Variants in UBE3A observed in about 807,000 individuals in gnomAD.
The protein encoded by UBE3A is ubiquitin-protein ligase E3A.
A neutral mutation model predicts 83.4 loss-of-function variants in UBE3A; 6 were observed. That is an observed-to-expected ratio of 0.07 (90% confidence interval 0.04 to 0.14). The LOEUF (loss-of-function observed/expected upper bound fraction) is 0.14. UBE3A is among the 10% of genes least tolerant of loss of function. The pLI, the probability that UBE3A is intolerant of heterozygous loss-of-function variation, is 1.00. For synonymous variants in UBE3A, 337 were observed against 355.4 expected, an observed-to-expected ratio of 0.95 and a Z score of 0.58; for missense variants, 456 against 1,036.1, an observed-to-expected ratio of 0.44 and a Z score of 7.69.
rs558876113 is a variant in UBE3A at position 25,362,522 on chromosome 15, C to T, written c.1609-1995G>A. Among the ~76,000 whole-genome samples, 4 of 152,206 alleles carry T rather than the reference C, an allele frequency of 2.6e-5. No individual in the cohort carries two copies. The East Asian group carries it at 7.7e-4, about 29-fold the overall frequency. On this transcript the variant is annotated intron_variant, in intron 6 of 12. Transcript: ENST00000648336. ...AAGAATATATGAGAACGAGTGTTAC[C>T]TTTTAAAATAGTTTTGCTCTCTGAA...
chr15:25,404,716 A>C (rs554739071), intron 4 of UBE3A, among the ~76,000 whole-genome samples: 1 of 152,020 alleles, frequency 6.6e-6, no homozygotes, highest in Non-Finnish European at 1.5e-5. Context: ...TTCTTTGCTG[A>C]CTCCCTAATA....
In UBE3A at chr15:25,356,286, T is replaced by C. The variant is rs555780556; in HGVS notation, c.1960-230A>G. ...AAACCCCATACCACCAATTTAGCAATAGAATTCACACTGTGCTCTATGAGA... is the reference window on the plus strand; with the variant it reads ...AAACCCCATACCACCAATTTAGCAACAGAATTCACACTGTGCTCTATGAGA... On this transcript the variant is annotated intron_variant, in intron 8 of 12. Transcript: ENST00000648336. 9.9e-5 allele frequency among the ~76,000 whole-genome samples: 15 copies of C among 150,944 alleles called. No individual in the cohort carries two copies. In the East Asian group the frequency reaches 2.6e-3, roughly 26 times the overall value.
rs750480224 is a variant in UBE3A, at chr15:25,339,105, CTTTT to C, written c.*28_*31del. ...TAAATTTTTTCTTTTTTTTTCCTTC[CTTTT>C]TTTTGTTTTATTTTGTTTTGTTTTG... On this transcript the variant is annotated 3_prime_UTR_variant, in exon 13 of 13. Coordinates refer to ENST00000648336, the MANE Select transcript of UBE3A (RefSeq NM_130839.5). 9 of 1,440,366 alleles carry C rather than the reference CTTTT, an allele frequency of 6.2e-6. 1 individual carries two copies. Among genetic ancestry groups the C allele is most frequent in the African/African-American group, 1.5e-5 (1 of 68,242 alleles). 89.2% of individuals were successfully genotyped at this position (1,440,366 alleles called of 1,614,324 possible). A position where few individuals can be genotyped will look rare whatever the true frequency, so the allele number is the denominator to read the frequency against.
chr15:25,426,744 G>A (rs1004856905), intron 1 of UBE3A, among the ~76,000 whole-genome samples: 34 of 152,024 alleles, frequency 2.2e-4, no homozygotes, highest in African/African-American at 7.5e-4. Context: ...AAAACCATAC[G>A]TACTTAACAC....
chr15:25,430,027 CTATATATATATATA>C (rs199950859), intron 1 of UBE3A, among the ~76,000 whole-genome samples: 1 of 66,222 alleles, frequency 1.5e-5, no homozygotes, highest in African/African-American at 1.2e-4. Flanking sequence ...AAAAAAAAAC[CTATATATATATATA>C]TATATATATT....
At chr15:25,417,559 C>T (rs977659808) in intron 1 of UBE3A, among the ~76,000 whole-genome samples, 1 of 151,928 alleles carries the variant, frequency 6.6e-6, no homozygotes, top group Non-Finnish European at 1.5e-5. Flanking sequence ...GATTTTCAAA[C>T]AGCTATTACA....
intron 1 of UBE3A, among the ~76,000 whole-genome samples, chr15:25,415,515 TCCTCTATCCATTACTAA>T (rs942856190): frequency 2.0e-5 from 3 of 152,072 alleles, no homozygotes; most frequent in Non-Finnish European, 2.9e-5. Context: ...TCGGAAATGG[TCCTCTATCCATTACTAA>T]CCTCTATCCC....
intron 5 of UBE3A, among the ~76,000 whole-genome samples, chr15:25,372,294 C>T (rs1650743448): frequency 6.6e-6 from 1 of 152,142 alleles, no homozygotes; most frequent in African/African-American, 2.4e-5. Flanking sequence ...CCTTCAGCAT[C>T]TATGTATGTA....
At chr15:25,364,645 G>GT (rs759514427) in intron 6 of UBE3A, among the ~76,000 whole-genome samples, 6,572 of 97,494 alleles carry the variant, frequency 0.067, 237 homozygotes, top group African/African-American at 0.1. Context: ...TTTTTTGTTT[G>GT]TTTTTTTTTT....
In UBE3A at chr15:25,340,236, G is replaced by A; in HGVS notation, c.2355-8C>T. On this transcript the variant is annotated splice_polypyrimidine_tract_variant and splice_region_variant and intron_variant, in intron 11 of 12. Coordinates refer to ENST00000648336, the MANE Select transcript of UBE3A (RefSeq NM_130839.5). ...ACGATTTCCCAGAACTCCCTAATGA[G>A]AAAAAATACAATACTGGTTTCAGTT... The A allele has an allele frequency of 6.2e-7, 1 of 1,611,618 alleles. No individual in the cohort carries two copies. The highest frequency in any genetic ancestry group is 1.1e-5 in the South Asian group (1 of 91,070).
At chr15:25,411,113 G>A (rs573560242) in intron 2 of UBE3A, among the ~76,000 whole-genome samples, 1 of 152,264 alleles carries the variant, frequency 6.6e-6, no homozygotes. Flanking sequence ...AGGCTCCAAG[G>A]CCAGGCTGGA....
intron 6 of UBE3A, among the ~76,000 whole-genome samples, chr15:25,365,591 CA>C (rs1164835789): frequency 6.6e-6 from 1 of 151,078 alleles, no homozygotes; most frequent in Admixed American, 6.6e-5. Context: ...ACTAAAAATA[CA>C]AAAAAATTAG....
chr15:25,375,610 A>C lies in UBE3A; in HGVS notation c.216T>G (p.Leu72=). 6.2e-7 allele frequency: 1 copy of C among 1,614,146 alleles called. No individual in the cohort carries two copies. Residue 72 remains leucine (L), a synonymous_variant, in exon 5 of 13, where the codon CTT becomes CTG. Coordinates refer to ENST00000648336, the MANE Select transcript of UBE3A (RefSeq NM_130839.5). The part of the protein sequence containing the change: ...NNAAAIKALE[L]YKINAKLCDP... ...CACAGAGTTTTGCATTAATCTTATAAAGCTCGAGGGCTTTAATAGCTGCTG... is the reference window on the plus strand; with the variant it reads ...CACAGAGTTTTGCATTAATCTTATACAGCTCGAGGGCTTTAATAGCTGCTG...
chr15:25,341,933 C>T (rs1412576886), intron 11 of UBE3A, among the ~76,000 whole-genome samples: 2 of 151,974 alleles, frequency 1.3e-5, no homozygotes, highest in Non-Finnish European at 2.9e-5. Flanking sequence ...GCTGCAACAC[C>T]ATTTATCTGA....
intron 1 of UBE3A, among the ~76,000 whole-genome samples, chr15:25,426,612 AAATT>A: frequency 6.6e-6 from 1 of 152,338 alleles, no homozygotes; most frequent in South Asian, 2.1e-4. Context: ...GCATAAAACA[AAATT>A]TGATTTAGTG....
rs377110924 is a variant in UBE3A, at chr15:25,339,164, C to T, written c.2592G>A (p.Thr864=). ...ACAGCATGCCAAATCCTTTGGCATA[C>T]GTGATGGCCTTCAACAATCTCTCTT... is the stretch of plus-strand genomic sequence containing the variant. The part of the protein sequence containing the change: ...KLKERLLKAI[T]YAKGFGML The change falls in exon 13 of 13, where the codon ACG becomes ACA. Residue 864 remains threonine, a synonymous_variant. Transcript: ENST00000648336. The T allele has an allele frequency of 2.3e-5, 37 of 1,607,026 alleles. No homozygotes were observed. The highest frequency in any genetic ancestry group is 3.5e-4 in the Middle Eastern group (2 of 5,774).
At chr15:25,395,971 G>A (rs11161174) in intron 4 of UBE3A, among the ~76,000 whole-genome samples, 18,193 of 152,142 alleles carry the variant, frequency 0.12, 1,429 homozygotes, top group East Asian at 0.43. Flanking sequence ...CTGGAAGGCC[G>A]AGGCAGGCAG....
At chr15:25,424,387 A>T (rs1890712113) in intron 1 of UBE3A, among the ~76,000 whole-genome samples, 1 of 152,092 alleles carries the variant, frequency 6.6e-6, no homozygotes, top group Non-Finnish European at 1.5e-5. Flanking sequence ...TACCTACCCT[A>T]TCTAAAATTT....
chr15:25,438,083 G>C (rs946004186), intron 1 of UBE3A: 4 of 152,250 alleles, frequency 2.6e-5, no homozygotes, highest in African/African-American at 9.7e-5. Flanking sequence ...TCTTCCCCAA[G>C]AGAGCCAAAA....
Sources: allele counts gnomAD v4.1 joint callset (sites outside exome capture counted in the v4.1 genomes callset), GRCh38; gene constraint gnomAD v4.1.1; transcripts MANE v1.5; gene names NCBI Gene and HGNC (gene_info 2026-07-23, HGNC 2026-07-21).